The following TRHDE variants were observed in gnomAD, a reference collection of about 807,000 sequenced individuals.
TRHDE encodes thyrotropin releasing hormone degrading enzyme.
A neutral mutation model predicts 125.7 loss-of-function variants in TRHDE; 72 were observed. The observed-to-expected ratio is 0.57, with a 90% CI of 0.47 to 0.70. The LOEUF (loss-of-function observed/expected upper bound fraction) is 0.70. Among genes scored for constraint, TRHDE ranks in the 30% least tolerant of loss-of-function variants. The pLI is 0.00. For missense variants in TRHDE, 1,110 were observed against 1,327.1 expected (o/e 0.84, Z 2.54); for synonymous variants, 509 against 509.1 (o/e 1.00, Z 0.00).
intron 2 of TRHDE, among the ~76,000 whole-genome samples, chr12:72,122,104 C>T (rs1435759135): frequency 6.6e-6 from 1 of 152,036 alleles, no homozygotes; most frequent in Non-Finnish European, 1.5e-5. Context: ...TCTAGTTTGT[C>T]CTTGTTTATT....
At chr12:72,167,147 T>C (rs1210850211) in intron 2 of TRHDE, among the ~76,000 whole-genome samples, 3 of 152,120 alleles carry the variant, frequency 2.0e-5, no homozygotes, top group African/African-American at 7.2e-5. Flanking sequence ...GATGGTCACT[T>C]GTTAGGTGAG....
At chr12:72,540,883 A>AT (rs1346737610) in intron 6 of TRHDE, among the ~76,000 whole-genome samples, 1 of 151,880 alleles carries the variant, frequency 6.6e-6, no homozygotes, top group African/African-American at 2.4e-5. Context: ...TCAGCCTATC[A>AT]TTTGTTGAGA....
intron 3 of TRHDE, among the ~76,000 whole-genome samples, chr12:72,434,898 A>G (rs1392230517): frequency 6.6e-6 from 1 of 152,198 alleles, no homozygotes; most frequent in Non-Finnish European, 1.5e-5. Context: ...ATTCCAGAGT[A>G]GAACAAGGGC....
intron 3 of TRHDE, among the ~76,000 whole-genome samples, chr12:72,404,693 C>T (rs1873193444): frequency 6.6e-6 from 1 of 152,120 alleles, no homozygotes; most frequent in Non-Finnish European, 1.5e-5. Flanking sequence ...GAAAGACCTA[C>T]CCTCATGATT....
chr12:72,253,969 C>T (rs997776708), intron 2 of TRHDE: 1 of 151,690 alleles, frequency 6.6e-6, no homozygotes, highest in African/African-American at 2.4e-5. Flanking sequence ...GAATTCCCTA[C>T]TGTACATTAA....
chr12:72,350,582 G>A (rs917252252), intron 2 of TRHDE, among the ~76,000 whole-genome samples: 1 of 151,946 alleles, frequency 6.6e-6, no homozygotes. Context: ...CTGATGTATA[G>A]GCCCCTAATT....
intron 3 of TRHDE, among the ~76,000 whole-genome samples, chr12:72,395,524 C>T (rs1342834930): frequency 6.6e-6 from 1 of 152,102 alleles, no homozygotes; most frequent in Non-Finnish European, 1.5e-5. Flanking sequence ...CCCTAGAATT[C>T]CCAACCTACT....
At chr12:72,320,543 CTGTGTGTGTGTGTGTGTGTGTG>C (rs59244019) in intron 2 of TRHDE, among the ~76,000 whole-genome samples, 3 of 143,080 alleles carry the variant, frequency 2.1e-5, no homozygotes, top group South Asian at 2.3e-4. Context: ...AGAGGGTTGA[CTGTGTGTGTGTGTGTGTGTGTG>C]TGTGTGTGTG....
At chr12:72,624,360 A>G (rs1049747288) in intron 15 of TRHDE, among the ~76,000 whole-genome samples, 1 of 152,014 alleles carries the variant, frequency 6.6e-6, no homozygotes, top group African/African-American at 2.4e-5. Flanking sequence ...CATCTAAGAA[A>G]AGAATACTAG....
At chr12:72,182,453 T>A (rs1239360159) in intron 2 of TRHDE, among the ~76,000 whole-genome samples, 1 of 152,242 alleles carries the variant, frequency 6.6e-6, no homozygotes, top group Non-Finnish European at 1.5e-5. Context: ...TCAGCTTTGC[T>A]ATTAGTAAAT....
At chr12:72,544,282 G>C (rs1869301653) in intron 7 of TRHDE, among the ~76,000 whole-genome samples, 1 of 151,500 alleles carries the variant, frequency 6.6e-6, no homozygotes, top group South Asian at 2.1e-4. Context: ...CTCCTGAATA[G>C]ACACTTGATG....
chr12:72,230,613 C>T lies in TRHDE; in HGVS notation n.279+124861C>T, dbSNP rs148269705. On this transcript the variant is annotated intron_variant and non_coding_transcript_variant, in intron 2 of 4. Transcript: ENST00000548156. ...CTAGATAGAGAAATCCTATGATGGCCGAGTAAACTGATATTTTAACAAATT... is the reference window on the plus strand; with the variant it reads ...CTAGATAGAGAAATCCTATGATGGCTGAGTAAACTGATATTTTAACAAATT... Among the ~76,000 whole-genome samples the T allele has an allele frequency of 1.7e-3, 255 of 151,964 alleles. 2 individuals are homozygous for T. Among genetic ancestry groups the T allele is most frequent in the African/African-American group, 5.9e-3 (245 of 41,434 alleles).
chr12:72,231,564 G>T (rs1262626221), intron 2 of TRHDE, among the ~76,000 whole-genome samples: 3 of 152,098 alleles, frequency 2.0e-5, no homozygotes, highest in Non-Finnish European at 2.9e-5. Flanking sequence ...TTTTCTTAGA[G>T]CCCAGAAAAT....
At chr12:72,561,266 A>C (rs951602127) in intron 7 of TRHDE, among the ~76,000 whole-genome samples, 4 of 152,142 alleles carry the variant, frequency 2.6e-5, no homozygotes, top group Non-Finnish European at 5.9e-5. Context: ...CCATAAAAGT[A>C]CTGAAGGAGT....
intron 2 of TRHDE, among the ~76,000 whole-genome samples, chr12:72,262,145 C>G (rs7960623): frequency 6.6e-6 from 1 of 152,014 alleles, no homozygotes; most frequent in Admixed American, 6.6e-5. Flanking sequence ...GACTACAATT[C>G]GTTCTCTTGT....
At chr12:72,490,336 T>C (rs1437117590) in intron 5 of TRHDE, among the ~76,000 whole-genome samples, 2 of 151,710 alleles carry the variant, frequency 1.3e-5, no homozygotes, top group Admixed American at 6.6e-5. Flanking sequence ...ATAACCAATG[T>C]TGGAAAAGTT....
At chr12:72,158,816 T>C (rs963148247) in intron 2 of TRHDE, among the ~76,000 whole-genome samples, 2 of 152,220 alleles carry the variant, frequency 1.3e-5, no homozygotes, top group Non-Finnish European at 1.5e-5. Context: ...TTCATGAACA[T>C]CTGATTTTCT....
chr12:72,217,074 A>G (rs539974976), intron 2 of TRHDE, among the ~76,000 whole-genome samples: 64 of 152,160 alleles, frequency 4.2e-4, no homozygotes, highest in Non-Finnish European at 6.2e-4. Flanking sequence ...TTGGAATTTC[A>G]GTGTACATTG....
intron 2 of TRHDE, among the ~76,000 whole-genome samples, chr12:72,250,629 G>A (rs1317641095): frequency 1.3e-5 from 2 of 151,946 alleles, no homozygotes; most frequent in Non-Finnish European, 2.9e-5. Flanking sequence ...GATGCTCAAA[G>A]AATGTTTGGC....
Sources: gnomAD v4.1 joint callset for allele counts (sites outside exome capture counted in the v4.1 genomes callset) on GRCh38, gnomAD v4.1.1 for gene constraint, MANE v1.5 for transcripts, NCBI Gene and HGNC (gene_info 2026-07-23, HGNC 2026-07-21) for gene names.